The following AGBL1 variants were observed in gnomAD, a reference collection of about 807,000 sequenced individuals.
The protein encoded by AGBL1 is cytosolic carboxypeptidase 4.
In AGBL1, 130 loss-of-function variants were observed where a neutral mutation model predicts 118.9. The observed-to-expected ratio is 1.09, with a 90% confidence interval of 0.95 to 1.26. AGBL1 has a LOEUF of 1.26. AGBL1 is among the 50% of genes most tolerant of loss of function. The pLI is 0.00. For missense variants in AGBL1, 1,584 were observed against 1,298.1 expected, an observed-to-expected ratio of 1.22 and a Z score of -3.38; for synonymous variants, 555 against 478.9, an observed-to-expected ratio of 1.16 and a Z score of -2.08.
intron 18 of AGBL1, among the ~76,000 whole-genome samples, chr15:86,514,580 T>G (rs1340218190): frequency 6.6e-6 from 1 of 152,140 alleles, no homozygotes; most frequent in East Asian, 1.9e-4. Context: ...TTTGATTATA[T>G]TTATTTATTT....
At chr15:86,758,089 G>C (rs1476685592) in intron 22 of AGBL1, among the ~76,000 whole-genome samples, 4 of 151,978 alleles carry the variant, frequency 2.6e-5, no homozygotes, top group Non-Finnish European at 1.5e-5. Flanking sequence ...TGATCCCCAT[G>C]GCTTCCCAAT....
At chr15:86,617,988 T>A (rs984828854) in intron 21 of AGBL1, among the ~76,000 whole-genome samples, 1 of 152,192 alleles carries the variant, frequency 6.6e-6, no homozygotes, top group African/African-American at 2.4e-5. Flanking sequence ...ATCATAACAT[T>A]TCTATAAGGT....
intron 18 of AGBL1, among the ~76,000 whole-genome samples, chr15:86,470,937 A>G (rs1459580659): frequency 2.0e-5 from 3 of 151,838 alleles, no homozygotes; most frequent in African/African-American, 7.3e-5. Context: ...AGTCTTTAGG[A>G]TTTTCTATAT....
intron 22 of AGBL1, among the ~76,000 whole-genome samples, chr15:86,806,469 C>G (rs1004314025): frequency 2.0e-5 from 3 of 152,116 alleles, no homozygotes; most frequent in Non-Finnish European, 2.9e-5. Context: ...CTGGAAATCT[C>G]AGGAGATGGA....
intron 23 of AGBL1, among the ~76,000 whole-genome samples, chr15:86,936,266 G>A (rs1345457391): frequency 6.6e-6 from 1 of 152,014 alleles, no homozygotes; most frequent in East Asian, 1.9e-4. Context: ...GTGTGTGTGT[G>A]TGACAGAGAG....
intron 18 of AGBL1, among the ~76,000 whole-genome samples, chr15:86,426,208 A>G (rs187024070): frequency 1.7e-4 from 26 of 152,338 alleles, no homozygotes; most frequent in Admixed American, 5.9e-4. Context: ...AATTCTTTGA[A>G]GTTAATGTAA....
chr15:86,480,284 C>A (rs2082633622), intron 18 of AGBL1, among the ~76,000 whole-genome samples: 1 of 152,006 alleles, frequency 6.6e-6, no homozygotes, highest in Non-Finnish European at 1.5e-5. Flanking sequence ...AGTATGATAA[C>A]CTTTTTTACC....
chr15:86,280,805 T>C (rs973162604), intron 16 of AGBL1, among the ~76,000 whole-genome samples: 3 of 152,218 alleles, frequency 2.0e-5, no homozygotes, highest in Middle Eastern at 3.2e-3. Context: ...CTTGGCTCAC[T>C]GCTTCATGAA....
chr15:86,766,302 A>T (rs868672159), intron 22 of AGBL1, among the ~76,000 whole-genome samples: 5 of 152,022 alleles, frequency 3.3e-5, no homozygotes, highest in Middle Eastern at 3.4e-3. Context: ...TGCAATTTAC[A>T]ATGTCACTCC....
chr15:86,428,276 G>C (rs534153858), intron 18 of AGBL1, among the ~76,000 whole-genome samples: 1 of 152,276 alleles, frequency 6.6e-6, no homozygotes, highest in East Asian at 1.9e-4. Context: ...AGGACAAGAG[G>C]GAGTTCCTGT....
At chr15:86,977,298 C>T (rs1046611716) in intron 23 of AGBL1, among the ~76,000 whole-genome samples, 3 of 151,442 alleles carry the variant, frequency 2.0e-5, no homozygotes, top group Non-Finnish European at 4.4e-5. Flanking sequence ...GCAGTTTTAG[C>T]GGTCTACTAA....
At chr15:86,730,261 G>A (rs1323431205) in intron 22 of AGBL1, among the ~76,000 whole-genome samples, 1 of 152,124 alleles carries the variant, frequency 6.6e-6, no homozygotes, top group Non-Finnish European at 1.5e-5. Flanking sequence ...ATTGACAAGT[G>A]GGACCTAATT....
At chr15:86,164,775 A>G (rs1290564032) in intron 5 of AGBL1, among the ~76,000 whole-genome samples, 1 of 152,202 alleles carries the variant, frequency 6.6e-6, no homozygotes, top group East Asian at 1.9e-4. Flanking sequence ...AGCAGAGACC[A>G]GGTCTTGAAG....
At position 86,637,410 on chromosome 15, in the gene AGBL1, C is replaced by T. The variant is rs189833708; in HGVS notation, c.2995-36863C>T. On this transcript the variant is annotated intron_variant, in intron 21 of 22. Transcript: ENST00000614907. ...AGAAAGGCACTAAGGAAGAAGATAGCTTGATGAGCTTGAAGAACAGATGAA... is the reference window on the plus strand; with the variant it reads ...AGAAAGGCACTAAGGAAGAAGATAGTTTGATGAGCTTGAAGAACAGATGAA... 3.4e-3 allele frequency among the ~76,000 whole-genome samples: 510 copies of T among 152,048 alleles called. 1 individual carries two copies. The highest frequency in any genetic ancestry group is 5.4e-3 in the Non-Finnish European group (368 of 67,984).
chr15:86,574,657 A>G (rs2142318051), intron 21 of AGBL1, among the ~76,000 whole-genome samples: 1 of 132,484 alleles, frequency 7.5e-6, no homozygotes, highest in African/African-American at 2.9e-5. Flanking sequence ...GGCTTACTGC[A>G]ATCTCCACCT....
At chr15:86,879,304 G>C (rs1055813746) in intron 22 of AGBL1, among the ~76,000 whole-genome samples, 10 of 152,138 alleles carry the variant, frequency 6.6e-5, no homozygotes, top group African/African-American at 2.2e-4. Context: ...ACAAGCCCCT[G>C]GGGCAGCAGC....
Position 86,390,948 on chromosome 15 carries a change from G to A in AGBL1, c.2375-6418G>A, listed in dbSNP as rs758832403. Among the ~76,000 whole-genome samples, 23 of 151,416 alleles carry A rather than the reference G, an allele frequency of 1.5e-4. 1 individual carries two copies. The highest frequency in any genetic ancestry group is 2.7e-4 in the Non-Finnish European group (18 of 67,904). Reference sequence around the variant, plus strand: ...GCCTCCCACAGTGCTGGTATTACAGGCGTGAGCCACCGTTACTCACACTGT... The same window carrying A: ...GCCTCCCACAGTGCTGGTATTACAGACGTGAGCCACCGTTACTCACACTGT... On this transcript the variant is annotated intron_variant, in intron 17 of 22. Transcript: ENST00000614907.
intron 22 of AGBL1, among the ~76,000 whole-genome samples, chr15:86,857,467 C>A (rs2079499481): frequency 6.6e-6 from 1 of 152,170 alleles, no homozygotes; most frequent in African/African-American, 2.4e-5. Context: ...TGGTCTCTCT[C>A]AAAACAGAGG....
intron 18 of AGBL1, among the ~76,000 whole-genome samples, chr15:86,417,459 G>C (rs2081711884): frequency 6.6e-6 from 1 of 152,134 alleles, no homozygotes; most frequent in Admixed American, 6.6e-5. Context: ...AATGTTCATT[G>C]AACATATCCT....
Sources: allele counts gnomAD v4.1 joint callset (sites outside exome capture counted in the v4.1 genomes callset), GRCh38; gene constraint gnomAD v4.1.1; transcripts MANE v1.5; gene names NCBI Gene and HGNC (gene_info 2026-07-23, HGNC 2026-07-21).